C11orf16: variants seen among roughly 807,000 people sequenced by gnomAD.
The protein encoded by C11orf16 is uncharacterized protein C11orf16.
In C11orf16, 38 loss-of-function variants were observed where a neutral mutation model predicts 45.1. The ratio of observed to expected loss-of-function variants is 0.84; its 90% CI spans 0.65 to 1.10. The LOEUF is 1.10. C11orf16 is among the 50% of genes least tolerant of loss of function. C11orf16 has a pLI of 0.00. For synonymous variants in C11orf16, 221 were observed against 222.0 expected, an observed-to-expected ratio of 1.00 and a Z score of 0.04; for missense variants, 583 against 569.5, an observed-to-expected ratio of 1.02 and a Z score of -0.24.
In C11orf16 at chr11:8,925,942, C is replaced by G; in HGVS notation, c.725G>C (p.Cys242Ser). ...EHPRPLHWAPCCSLLGPITGR... is the reference protein window; with the variant it reads ...EHPRPLHWAPSCSLLGPITGR... Reference sequence around the variant, plus strand: ...AGTGATTGGCCCTAGCAGAGAGCAGCAAGGGGCCCAGTGAAGGGGCCTGGG... The same window carrying G: ...AGTGATTGGCCCTAGCAGAGAGCAGGAAGGGGCCCAGTGAAGGGGCCTGGG... Residue 242 changes from cysteine (C) to serine (S), a missense_variant, in exon 5 of 7, where the codon TGC (cysteine) becomes TCC (serine). Cys to Ser is a moderately radical substitution (Grantham distance 112). Coordinates refer to ENST00000326053, the MANE Select transcript of C11orf16 (RefSeq NM_020643.3). 7 of 1,614,184 alleles carry G rather than the reference C, an allele frequency of 4.3e-6. No individual in the cohort carries two copies. The highest frequency in any genetic ancestry group is 5.9e-6 in the Non-Finnish European group (7 of 1,180,032).
rs2064559312 is a variant in C11orf16 at position 8,920,154 on chromosome 11, G to A, written c.*319C>T. The A allele has an allele frequency of 5.7e-6, 2 of 349,556 alleles. No homozygotes were observed. Among genetic ancestry groups the A allele is most frequent in the Non-Finnish European group, 1.0e-5 (2 of 195,344 alleles). 21.7% of individuals were successfully genotyped at this position (349,556 alleles called of 1,614,324 possible). Reference sequence around the variant, plus strand: ...CTAGGCTTTATGGGAAGGTGGCAGAGTGGCTGTGGACACATTTGCCCAAAG... The same window carrying A: ...CTAGGCTTTATGGGAAGGTGGCAGAATGGCTGTGGACACATTTGCCCAAAG... On this transcript the variant is annotated 3_prime_UTR_variant, in exon 7 of 7. Coordinates refer to ENST00000326053, the MANE Select transcript of C11orf16 (RefSeq NM_020643.3).
intron 3 of C11orf16, chr11:8,927,646 G>A: frequency 2.2e-6 from 1 of 456,656 alleles, no homozygotes; most frequent in Non-Finnish European, 4.4e-6. Context: ...TGTAGGCAAG[G>A]AGCGATTGTG....
In C11orf16 at chr11:8,920,458, AG is replaced by A; in HGVS notation, c.*23-9del. 1 of 670,544 alleles carries A rather than the reference AG, an allele frequency of 1.5e-6. No homozygotes were observed. The highest frequency in any genetic ancestry group is 1.6e-5 in the South Asian group (1 of 61,804). The allele number at this position is 670,544 out of a possible 1,614,324, so 41.5% of individuals were successfully genotyped here. On this transcript the variant is annotated splice_polypyrimidine_tract_variant and intron_variant, in intron 6 of 6. Coordinates refer to ENST00000326053, the MANE Select transcript of C11orf16 (RefSeq NM_020643.3). ...ACCATGTTTATTCTTTACCTATAAA[AG>A]GGGGAAAAATTCCATACATTGTTAT...
At chr11:8,922,533 A>G (rs1443463181) in intron 5 of C11orf16, among the ~76,000 whole-genome samples, 1 of 152,230 alleles carries the variant, frequency 6.6e-6, no homozygotes, top group Admixed American at 6.5e-5. Flanking sequence ...CCTCCCTGCC[A>G]GCAGCTCACA....
intron 6 of C11orf16, 94 bp from the exon 7 acceptor site, chr11:8,920,544 G>C (rs1426934113): frequency 3.4e-6 from 2 of 595,890 alleles, no homozygotes; most frequent in Non-Finnish European, 3.0e-6. Context: ...GATTGTGGCC[G>C]AGTGCGGTGG....
chr11:8,923,316 C>A (rs941532211), intron 5 of C11orf16, among the ~76,000 whole-genome samples: 5 of 152,150 alleles, frequency 3.3e-5, no homozygotes, highest in African/African-American at 1.2e-4. Context: ...GTATGTCTGG[C>A]CTCCATGGCC....
At chr11:8,932,065 A>G in intron 2 of C11orf16, 77 bp downstream of exon 2, 1 of 1,407,722 alleles carries the variant, frequency 7.1e-7, no homozygotes, top group Non-Finnish European at 9.5e-7. Context: ...CTGTCCACCA[A>G]GGTCTACCAC....
At chr11:8,926,240 A>G in intron 4 of C11orf16, 133 bp from the exon 5 acceptor site, 1 of 849,830 alleles carries the variant, frequency 1.2e-6, no homozygotes, top group Admixed American at 3.7e-5. Context: ...GTGCAGTGGC[A>G]CAGTGATAGC....
At chr11:8,927,662 A>G (rs1389655328) in intron 3 of C11orf16, 13 of 456,480 alleles carry the variant, frequency 2.8e-5, no homozygotes, top group Middle Eastern at 3.2e-4. Flanking sequence ...TTGTGGCCAC[A>G]GAGCTGCCCT....
At chr11:8,926,184 T>TG in intron 4 of C11orf16, 77 bp from the exon 5 acceptor site, 1 of 1,167,890 alleles carries the variant, frequency 8.6e-7, no homozygotes, top group Non-Finnish European at 1.2e-6. Context: ...TTTTTTCTTT[T>TG]CTTTTTTTTT....
intron 2 of C11orf16, among the ~76,000 whole-genome samples, chr11:8,930,942 G>T (rs980839099): frequency 4.6e-5 from 7 of 152,138 alleles, no homozygotes; most frequent in African/African-American, 1.7e-4. Context: ...ATCACGAAAG[G>T]GAGCCATTAA....
intron 5 of C11orf16, among the ~76,000 whole-genome samples, chr11:8,922,428 G>A (rs1257868726): frequency 6.6e-6 from 1 of 152,086 alleles, no homozygotes; most frequent in Non-Finnish European, 1.5e-5. Flanking sequence ...GTGACTTCCT[G>A]AGGAATAGAC....
Position 8,929,414 on chromosome 11 carries a change from C to T in C11orf16, c.287G>A (p.Gly96Asp), listed in dbSNP as rs773601613. Residue 96 changes from glycine (G) to aspartate (D), a missense_variant, in exon 3 of 7, where the codon GGT becomes GAT. Coordinates refer to ENST00000326053, the MANE Select transcript of C11orf16 (RefSeq NM_020643.3). ...CTTTATTTGGGCCCGGTAGTAAAAA[C>T]CATCTGCTTCCCTTCTTGCTAGGAC... ...TWVLARREADGFYYRAQIKAT... is the reference protein window; with the variant it reads ...TWVLARREADDFYYRAQIKAT... 1 of 1,614,112 alleles carries T rather than the reference C, an allele frequency of 6.2e-7. No homozygotes were observed. Among genetic ancestry groups the T allele is most frequent in the East Asian group, 2.2e-5 (1 of 44,866 alleles).
chr11:8,925,818 A>T lies in C11orf16; in HGVS notation c.849T>A (p.Cys283Ter). 1 of 1,614,224 alleles carries T rather than the reference A, an allele frequency of 6.2e-7. No individual in the cohort carries two copies. The highest frequency in any genetic ancestry group is 8.5e-7 in the Non-Finnish European group (1 of 1,180,040). Residue 283 changes from cysteine to a stop codon, truncating the protein, a stop_gained, in exon 5 of 7, where the codon TGT becomes TGA. Coordinates refer to ENST00000326053, the MANE Select transcript of C11orf16 (RefSeq NM_020643.3). LOFTEE classifies it high-confidence loss of function. ...AAGTCGTGCCACATGGCGGGCAGCC[A>T]CAGAGGCAGCCCTGGCACAGTAGCT... Reference protein sequence around the residue: ...CCQLLCQGCLCGCPPCGTTWW... With the variant: ...CCQLLCQGCL
chr11:8,921,191 A>G, intron 6 of C11orf16, 103 bp downstream of exon 6: 2 of 850,520 alleles, frequency 2.4e-6, no homozygotes, highest in Non-Finnish European at 3.8e-6. Context: ...TTCTAGGACA[A>G]GGGGTCATAG....
Position 8,925,456 on chromosome 11 carries a change from G to A in C11orf16, c.1204+7C>T. On this transcript the variant is annotated splice_region_variant and intron_variant, in intron 5 of 6. Coordinates refer to ENST00000326053, the MANE Select transcript of C11orf16 (RefSeq NM_020643.3). Reference sequence around the variant, plus strand: ...CCTTAGAAAGCAAGCCCACTCCCCTGGTATACCTGGCTTCCCAAGGCATGG... The same window carrying A: ...CCTTAGAAAGCAAGCCCACTCCCCTAGTATACCTGGCTTCCCAAGGCATGG... 1 of 1,609,432 alleles carries A rather than the reference G, an allele frequency of 6.2e-7. No individual in the cohort carries two copies. Among genetic ancestry groups the A allele is most frequent in the South Asian group, 1.1e-5 (1 of 90,806 alleles).
chr11:8,925,503 A>G lies in C11orf16; in HGVS notation c.1164T>C (p.Tyr388=), dbSNP rs766025894. 1.9e-5 allele frequency: 31 copies of G among 1,614,006 alleles called. No homozygotes were observed. The highest frequency in any genetic ancestry group is 1.2e-4 in the South Asian group (11 of 91,068). The change falls in exon 5 of 7, where the codon TAT becomes TAC. Residue 388 remains tyrosine (Y), a synonymous_variant. Coordinates refer to ENST00000326053, the MANE Select transcript of C11orf16 (RefSeq NM_020643.3). ...ATGGCTCAGGCCCGTTTCTCTTCCA[A>G]TACCTCCACTCAGGCTGGCAGAGGC... ...QSGLCQPEWR[Y]WKRNGPEPCL...
intron 6 of C11orf16, among the ~76,000 whole-genome samples, chr11:8,921,036 C>T (rs1458826811): frequency 6.6e-6 from 1 of 151,994 alleles, no homozygotes; most frequent in African/African-American, 2.4e-5. Context: ...ATTCAGAGGG[C>T]CTAATAAAGC....
chr11:8,931,840 A>G (rs2064651818), intron 2 of C11orf16, among the ~76,000 whole-genome samples: 1 of 152,178 alleles, frequency 6.6e-6, no homozygotes, highest in Non-Finnish European at 1.5e-5. Context: ...AAGTCTCAGC[A>G]TTGATGGTAA....
Sources: gnomAD v4.1 joint callset for allele counts (sites outside exome capture counted in the v4.1 genomes callset) on GRCh38, gnomAD v4.1.1 for gene constraint, MANE v1.5 for transcripts, NCBI Gene and HGNC (gene_info 2026-07-23, HGNC 2026-07-21) for gene names.